Variants in XRN2 observed in about 807,000 individuals in gnomAD.
XRN2 encodes the protein 5'-3' exoribonuclease 2, also known as DHM1-like protein.
A neutral mutation model predicts 138.5 loss-of-function variants in XRN2; 44 were observed. The ratio of observed to expected loss-of-function variants is 0.32; its 90% CI spans 0.25 to 0.41. XRN2 has a LOEUF of 0.41. Ranked by LOEUF, XRN2 falls within the 10% of genes least tolerant of loss-of-function variation. The probability of loss-of-function intolerance (pLI) is 1.00; values close to 1 mark genes in which losing one functional copy is unlikely to be tolerated. For missense variants in XRN2, 937 were observed against 1,169.3 expected (o/e 0.80, Z 2.90); for synonymous variants, 354 against 369.4 (o/e 0.96, Z 0.48).
intron 16 of XRN2, among the ~76,000 whole-genome samples, chr20:21,345,610 T>TA (rs2038426518): frequency 1.3e-5 from 2 of 152,182 alleles, no homozygotes; most frequent in Admixed American, 1.3e-4. Context: ...TGTTAAATCT[T>TA]AGAGAATAAG....
intron 20 of XRN2, among the ~76,000 whole-genome samples, chr20:21,351,863 G>A (rs1466780376): frequency 2.0e-5 from 3 of 152,184 alleles, no homozygotes; most frequent in Non-Finnish European, 4.4e-5. Flanking sequence ...CATTGAATAA[G>A]TTGGCACTCT....
chr20:21,360,578 T>G (rs530623609), intron 24 of XRN2, among the ~76,000 whole-genome samples: 1 of 152,296 alleles, frequency 6.6e-6, no homozygotes, highest in East Asian at 1.9e-4. Flanking sequence ...ACTTTTTTCT[T>G]CAGAGGAGTG....
Position 21,330,518 on chromosome 20 carries a change from T to A in XRN2, c.465T>A (p.Phe155Leu). ...FLPPEEIKER[F>L]DSNCITPGTE... ...CTCCAGAAGAAATAAAAGAAAGATT[T>A]GACAGCAACTGTATTACACCAGTAA... The change falls in exon 5 of 30, where the codon TTT becomes TTA. Residue 155 changes from phenylalanine to leucine, a missense_variant. By Grantham distance (22) the Phe-to-Leu change is conservative (BLOSUM62 0). Coordinates refer to ENST00000377191, the MANE Select transcript of XRN2 (RefSeq NM_012255.5). 6.2e-7 allele frequency: 1 copy of A among 1,613,940 alleles called. No homozygotes were observed. The highest frequency in any genetic ancestry group is 8.5e-7 in the Non-Finnish European group (1 of 1,179,952).
intron 29 of XRN2, among the ~76,000 whole-genome samples, chr20:21,388,002 A>G (rs892063187): frequency 2.0e-5 from 3 of 152,218 alleles, no homozygotes; most frequent in Non-Finnish European, 2.9e-5. Context: ...TTTGCTTTGA[A>G]TTCTTTCAGC....
intron 9 of XRN2, among the ~76,000 whole-genome samples, chr20:21,332,990 T>C (rs149985627): frequency 2.8e-4 from 43 of 152,324 alleles, no homozygotes; most frequent in African/African-American, 9.4e-4. Flanking sequence ...TTCAATAATA[T>C]GGTGCCTCTT....
chr20:21,355,904 A>G lies in XRN2; in HGVS notation c.2021-176A>G, dbSNP rs375896494. Among the ~76,000 whole-genome samples, 253 of 152,294 alleles carry G rather than the reference A, an allele frequency of 1.7e-3. 1 individual carries two copies. Among genetic ancestry groups the G allele is most frequent in the African/African-American group, 5.9e-3 (246 of 41,562 alleles). ...AATAAATTACTAACTTCTCCACAGT[A>G]CTATCAAATACTAGAACTTACTCTT... On this transcript the variant is annotated intron_variant, in intron 21 of 29. Coordinates refer to ENST00000377191, the MANE Select transcript of XRN2 (RefSeq NM_012255.5).
chr20:21,357,895 C>A, intron 24 of XRN2, 103 bp downstream of exon 24: 1 of 944,820 alleles, frequency 1.1e-6, no homozygotes, highest in East Asian at 2.6e-5. Flanking sequence ...AGCTGTTAAT[C>A]CACCAATGCT....
At chr20:21,312,929 A>C (rs942097638) in intron 1 of XRN2, among the ~76,000 whole-genome samples, 2 of 152,154 alleles carry the variant, frequency 1.3e-5, no homozygotes, top group Admixed American at 1.3e-4. Context: ...ACACAGTTCA[A>C]TTGAGCAATG....
At chr20:21,358,607 T>A (rs1025090124) in intron 24 of XRN2, among the ~76,000 whole-genome samples, 1 of 152,198 alleles carries the variant, frequency 6.6e-6, no homozygotes, top group African/African-American at 2.4e-5. Flanking sequence ...GATTTTTTTT[T>A]AGATTTCCCT....
At chr20:21,373,730 AG>A (rs1275685703) in intron 27 of XRN2, among the ~76,000 whole-genome samples, 1 of 152,140 alleles carries the variant, frequency 6.6e-6, no homozygotes, top group East Asian at 1.9e-4. Context: ...CTGGTGACTA[AG>A]TGGAGCATTT....
intron 27 of XRN2, among the ~76,000 whole-genome samples, chr20:21,377,264 C>CTTTTTTTTT (rs761622310): frequency 1.1e-4 from 9 of 82,796 alleles, no homozygotes; most frequent in African/African-American, 2.1e-4. Flanking sequence ...TCGGTTTTTT[C>CTTTTTTTTT]TTTTTTTTTT....
rs757648264 is a variant in XRN2, at chr20:21,333,736, A to C, written c.966A>C (p.Leu322=). The C allele has an allele frequency of 6.2e-7, 1 of 1,614,132 alleles. No individual in the cohort carries two copies. Among genetic ancestry groups the C allele is most frequent in the South Asian group, 1.1e-5 (1 of 91,078 alleles). The change falls in exon 11 of 30, where the codon CTA becomes CTC. Residue 322 remains leucine (L), a synonymous_variant. Coordinates refer to ENST00000377191, the MANE Select transcript of XRN2 (RefSeq NM_012255.5). ...YLERELTMAS[L]PFTFDVERSI... is the part of the protein sequence containing the mutation. ...AAAGAGAACTCACAATGGCCAGCCT[A>C]CCATTCACATTTGATGTTGAGAGGA...
At chr20:21,350,751 A>C (rs2038499606) in intron 20 of XRN2, among the ~76,000 whole-genome samples, 1 of 152,064 alleles carries the variant, frequency 6.6e-6, no homozygotes, top group Non-Finnish European at 1.5e-5. Flanking sequence ...CTTGAGACAA[A>C]GGGGGAATAA....
chr20:21,349,352 C>T, intron 19 of XRN2, 37 bp from the exon 20 acceptor site: 1 of 1,342,572 alleles, frequency 7.4e-7, no homozygotes, highest in South Asian at 1.2e-5. Context: ...AGATGTGTGA[C>T]TTCTGTTTTG....
chr20:21,343,268 T>C (rs1263973287), intron 15 of XRN2, among the ~76,000 whole-genome samples: 1 of 152,124 alleles, frequency 6.6e-6, no homozygotes, highest in Non-Finnish European at 1.5e-5. Flanking sequence ...TTGCAGAACA[T>C]TTTCTTTTAA....
At chr20:21,359,039 C>T (rs933325111) in intron 24 of XRN2, among the ~76,000 whole-genome samples, 5 of 152,180 alleles carry the variant, frequency 3.3e-5, no homozygotes, top group African/African-American at 1.2e-4. Flanking sequence ...ATTCAAGGGC[C>T]TTCCTGCCTA....
chr20:21,372,367 G>A (rs2038773008), intron 27 of XRN2, among the ~76,000 whole-genome samples: 1 of 152,054 alleles, frequency 6.6e-6, no homozygotes, highest in South Asian at 2.1e-4. Flanking sequence ...TACATGGCAA[G>A]TAGTTGGGTG....
intron 1 of XRN2, among the ~76,000 whole-genome samples, chr20:21,315,778 G>A (rs1025520031): frequency 2.6e-5 from 4 of 152,196 alleles, no homozygotes; most frequent in African/African-American, 9.7e-5. Context: ...GATTACAGGC[G>A]TGAGCCATCA....
In XRN2 at chr20:21,328,550, C is replaced by T; in HGVS notation, c.316-9C>T. The T allele has an allele frequency of 6.2e-7, 1 of 1,610,948 alleles. No homozygotes were observed. Among genetic ancestry groups the T allele is most frequent in the Non-Finnish European group, 8.5e-7 (1 of 1,178,244 alleles). On this transcript the variant is annotated splice_polypyrimidine_tract_variant and intron_variant, in intron 3 of 29. Coordinates refer to ENST00000377191, the MANE Select transcript of XRN2 (RefSeq NM_012255.5). Reference sequence around the variant, plus strand: ...GATGAGTGTTATGGAATATGAAATACATTTTCAGGCACCACGTGCTAAAAT... The same window carrying T: ...GATGAGTGTTATGGAATATGAAATATATTTTCAGGCACCACGTGCTAAAAT...
Sources: gnomAD v4.1 joint callset for allele counts (sites outside exome capture counted in the v4.1 genomes callset) on GRCh38, gnomAD v4.1.1 for gene constraint, MANE v1.5 for transcripts, NCBI Gene and HGNC (gene_info 2026-07-23, HGNC 2026-07-21) for gene names.